The following SORCS3 variants were observed in gnomAD, a reference collection of about 807,000 sequenced individuals.
SORCS3 encodes sortilin related VPS10 domain containing receptor 3, also known as VPS10 domain-containing receptor SorCS3.
Under a neutral mutation model 146.3 loss-of-function variants are expected in SORCS3, and 57 were observed. The ratio of observed to expected loss-of-function variants is 0.39; its 90% CI spans 0.31 to 0.49. The LOEUF (loss-of-function observed/expected upper bound fraction) is 0.49, where lower values mean the gene tolerates loss of function less well. SORCS3 is among the 20% of genes least tolerant of loss of function. SORCS3 has a pLI of 0.92. For synonymous variants in SORCS3, 653 were observed against 618.5 expected (o/e 1.06, Z -0.83); for missense variants, 1,341 against 1,575.5 (o/e 0.85, Z 2.52).
intron 1 of SORCS3, among the ~76,000 whole-genome samples, chr10:104,700,039 C>CA: frequency 6.6e-6 from 1 of 152,254 alleles, no homozygotes; most frequent in East Asian, 1.9e-4. Context: ...AGAATTAAGT[C>CA]AAAGCATTGC....
intron 20 of SORCS3, 27 bp downstream of exon 20, chr10:105,223,276 A>G: frequency 6.3e-7 from 1 of 1,595,828 alleles, no homozygotes. Context: ...TTGATGTCAA[A>G]TTAGATCTGT....
chr10:104,642,267 G>C, intron 1 of SORCS3, among the ~76,000 whole-genome samples: 1 of 152,192 alleles, frequency 6.6e-6, no homozygotes, highest in East Asian at 1.9e-4. Context: ...GGCTTGGAGG[G>C]TCAGTTTTCC....
chr10:105,053,500 A>G (rs950695319), intron 5 of SORCS3, among the ~76,000 whole-genome samples: 1 of 152,122 alleles, frequency 6.6e-6, no homozygotes, highest in African/African-American at 2.4e-5. Context: ...GCAAGAAAAT[A>G]AAAAGAAAAT....
intron 5 of SORCS3, among the ~76,000 whole-genome samples, chr10:105,076,165 T>C (rs1010148904): frequency 2.6e-5 from 4 of 152,182 alleles, no homozygotes; most frequent in African/African-American, 9.7e-5. Flanking sequence ...AATTTGAAGG[T>C]TCAGAGAGGT....
At chr10:104,755,149 A>G (rs565777633) in intron 1 of SORCS3, among the ~76,000 whole-genome samples, 3 of 152,344 alleles carry the variant, frequency 2.0e-5, no homozygotes, top group African/African-American at 7.2e-5. Context: ...AGGCAGGCAG[A>G]GGATAGATTT....
intron 4 of SORCS3, among the ~76,000 whole-genome samples, chr10:105,015,808 C>T (rs2055161899): frequency 6.6e-6 from 1 of 152,054 alleles, no homozygotes; most frequent in South Asian, 2.1e-4. Flanking sequence ...CAGCTCACTA[C>T]AACCTCCACC....
At chr10:104,745,399 A>C (rs531709917) in intron 1 of SORCS3, among the ~76,000 whole-genome samples, 1 of 152,328 alleles carries the variant, frequency 6.6e-6, no homozygotes, top group South Asian at 2.1e-4. Context: ...TTTTGAAGAA[A>C]CTAGCAAGTT....
intron 2 of SORCS3, among the ~76,000 whole-genome samples, chr10:104,846,163 G>A (rs1026939675): frequency 5.3e-5 from 8 of 152,156 alleles, no homozygotes; most frequent in African/African-American, 1.9e-4. Flanking sequence ...AGGAGCCACT[G>A]GATAGAGTGT....
Position 104,641,773 on chromosome 10 carries a change from C to G in SORCS3, c.446C>G (p.Ala149Gly). Reference protein sequence around the residue: ...TQERGDAWATAPADGSRGSRP... With the variant: ...TQERGDAWATGPADGSRGSRP... ...GAACGCGGGGACGCCTGGGCCACTG[C>G]TCCGGCCGATGGTTCCAGAGGAAGC... Residue 149 changes from alanine to glycine, a missense_variant, in exon 1 of 27, where the codon GCT becomes GGT. Physicochemically the swap from Ala to Gly is moderately conservative, Grantham distance 60. Transcript: ENST00000369701. The surrounding 1 kb of genome is among the most constrained non-coding windows in gnomAD (Gnocchi z 6.4). 6.5e-7 allele frequency: 1 copy of G among 1,547,866 alleles called. No individual in the cohort carries two copies. Among genetic ancestry groups the G allele is most frequent in the Non-Finnish European group, 8.7e-7 (1 of 1,146,478 alleles).
intron 5 of SORCS3, among the ~76,000 whole-genome samples, chr10:105,052,519 A>G (rs991443803): frequency 6.6e-6 from 1 of 152,164 alleles, no homozygotes; most frequent in East Asian, 1.9e-4. Flanking sequence ...CTTTTGTCAC[A>G]GTGGGTGAGA....
chr10:104,908,092 C>T (rs563127720), intron 2 of SORCS3, among the ~76,000 whole-genome samples: 1 of 152,306 alleles, frequency 6.6e-6, no homozygotes, highest in East Asian at 1.9e-4. Flanking sequence ...TGTGGTTCAC[C>T]ACACACCAGA....
intron 3 of SORCS3, among the ~76,000 whole-genome samples, chr10:104,957,961 AT>A (rs2019514552): frequency 6.6e-6 from 1 of 152,094 alleles, no homozygotes; most frequent in Non-Finnish European, 1.5e-5. Flanking sequence ...ATGGGGTCAA[AT>A]TTGCAGCCGA....
intron 3 of SORCS3, 118 bp downstream of exon 3, chr10:104,916,050 A>T: frequency 1.4e-6 from 1 of 719,010 alleles, no homozygotes; most frequent in South Asian, 1.7e-5. Flanking sequence ...TCTGGTTTAT[A>T]TGCTGGGAAC....
At chr10:105,032,713 T>A (rs1239165845) in intron 4 of SORCS3, among the ~76,000 whole-genome samples, 1 of 152,184 alleles carries the variant, frequency 6.6e-6, no homozygotes, top group Non-Finnish European at 1.5e-5. Flanking sequence ...ACTAAGAGAT[T>A]TAAGTTCTTC....
chr10:104,973,653 G>T (rs1313567400), intron 3 of SORCS3, among the ~76,000 whole-genome samples: 1 of 150,734 alleles, frequency 6.6e-6, no homozygotes. Flanking sequence ...ACAGCTCCTG[G>T]ATTCATTAAT....
chr10:104,650,458 G>A (rs116674960), intron 1 of SORCS3, among the ~76,000 whole-genome samples: 119 of 152,218 alleles, frequency 7.8e-4, no homozygotes, highest in Non-Finnish European at 1.2e-3. Flanking sequence ...TCCTGGGGGG[G>A]GCTGATCATT....
intron 13 of SORCS3, among the ~76,000 whole-genome samples, chr10:105,176,456 G>C (rs2119553891): frequency 2.0e-5 from 3 of 152,254 alleles, no homozygotes; most frequent in Middle Eastern, 6.8e-3. Flanking sequence ...GGGAGGCTGA[G>C]GCGGGATAAT....
chr10:105,147,041 C>T (rs1389444864), intron 8 of SORCS3, among the ~76,000 whole-genome samples: 2 of 151,238 alleles, frequency 1.3e-5, no homozygotes, highest in African/African-American at 2.4e-5. Flanking sequence ...CCTCCCTTAC[C>T]TTTTGCTCCT....
intron 2 of SORCS3, among the ~76,000 whole-genome samples, chr10:104,891,845 G>T (rs2018752581): frequency 6.6e-6 from 1 of 152,088 alleles, no homozygotes; most frequent in Non-Finnish European, 1.5e-5. Flanking sequence ...TTCCAGGTTG[G>T]TGCTTTTTCA....
Sources: allele counts gnomAD v4.1 joint callset (sites outside exome capture counted in the v4.1 genomes callset), GRCh38; gene constraint gnomAD v4.1.1; non-coding constraint Gnocchi (gnomAD v3.1); transcripts MANE v1.5; gene names NCBI Gene and HGNC (gene_info 2026-07-23, HGNC 2026-07-21).